Variants in RCAN2 observed in about 807,000 individuals in gnomAD.
RCAN2 encodes the protein regulator of calcineurin 2.
In RCAN2, 9 loss-of-function variants were observed where a neutral mutation model predicts 23.6. The ratio of observed to expected loss-of-function variants is 0.38; its 90% CI spans 0.23 to 0.67. The LOEUF (loss-of-function observed/expected upper bound fraction) is 0.67, where lower values mean the gene tolerates loss of function less well. Ranked by LOEUF, RCAN2 falls within the 30% of genes least tolerant of loss-of-function variation. The probability of loss-of-function intolerance (pLI) is 0.51; values close to 1 mark genes in which losing one functional copy is unlikely to be tolerated. For missense variants in RCAN2, 273 were observed against 302.3 expected, an observed-to-expected ratio of 0.90 and a Z score of 0.72; for synonymous variants, 109 against 115.7, an observed-to-expected ratio of 0.94 and a Z score of 0.37.
intron 2 of RCAN2, among the ~76,000 whole-genome samples, chr6:46,356,275 C>T (rs1394240999): frequency 1.3e-5 from 2 of 152,162 alleles, no homozygotes; most frequent in Non-Finnish European, 2.9e-5. Context: ...CGAATTCCTT[C>T]TCTGATATTC....
intron 2 of RCAN2, among the ~76,000 whole-genome samples, chr6:46,411,719 C>G (rs895259752): frequency 3.9e-5 from 6 of 152,110 alleles, no homozygotes; most frequent in African/African-American, 9.6e-5. Flanking sequence ...GTCAGTGAAG[C>G]TGAGATCTGA....
chr6:46,484,848 T>C (rs964840609), intron 1 of RCAN2, among the ~76,000 whole-genome samples: 2 of 152,158 alleles, frequency 1.3e-5, no homozygotes, highest in Admixed American at 6.6e-5. Flanking sequence ...GAACCAATTG[T>C]TAGGCATGAA....
chr6:46,226,193 G>A (rs1000780453), intron 4 of RCAN2, among the ~76,000 whole-genome samples: 1 of 152,172 alleles, frequency 6.6e-6, no homozygotes, highest in Non-Finnish European at 1.5e-5. Context: ...CTGTAGACTT[G>A]TAGTATAGTT....
At chr6:46,326,329 A>G (rs1329478356) in intron 2 of RCAN2, among the ~76,000 whole-genome samples, 4 of 152,194 alleles carry the variant, frequency 2.6e-5, no homozygotes, top group Admixed American at 1.3e-4. Context: ...TACAGCAAAT[A>G]TTTCACACGG....
intron 2 of RCAN2, among the ~76,000 whole-genome samples, chr6:46,453,665 A>T (rs1422571158): frequency 2.0e-5 from 3 of 152,214 alleles, no homozygotes; most frequent in Non-Finnish European, 2.9e-5. Flanking sequence ...CAATTCATAA[A>T]TTTCCTCAAA....
chr6:46,372,356 C>G (rs1401836357), intron 2 of RCAN2, among the ~76,000 whole-genome samples: 1 of 152,168 alleles, frequency 6.6e-6, no homozygotes, highest in Non-Finnish European at 1.5e-5. Context: ...GGTATTATTT[C>G]TCCAATTTAT....
intron 2 of RCAN2, among the ~76,000 whole-genome samples, chr6:46,341,581 G>A (rs1309264571): frequency 6.6e-6 from 1 of 152,094 alleles, no homozygotes; most frequent in Non-Finnish European, 1.5e-5. Flanking sequence ...GGTGGATCAT[G>A]AGTTCAGGAG....
intron 2 of RCAN2, among the ~76,000 whole-genome samples, chr6:46,372,203 A>G (rs900042595): frequency 6.6e-6 from 1 of 152,254 alleles, no homozygotes; most frequent in Non-Finnish European, 1.5e-5. Context: ...AGTACATGAC[A>G]GCAACAATCG....
At chr6:46,394,081 T>A (rs936168315) in intron 2 of RCAN2, among the ~76,000 whole-genome samples, 1 of 152,192 alleles carries the variant, frequency 6.6e-6, no homozygotes, top group Non-Finnish European at 1.5e-5. Flanking sequence ...CCATCAGCCC[T>A]CCACAGCTCA....
chr6:46,288,390 A>G (rs752862164), intron 2 of RCAN2, among the ~76,000 whole-genome samples: 1 of 152,216 alleles, frequency 6.6e-6, no homozygotes, highest in Non-Finnish European at 1.5e-5. Context: ...TGTGAATGGG[A>G]ATACTGGCTT....
In RCAN2 at chr6:46,294,675, G is replaced by A. The variant is rs140954639; in HGVS notation, c.226-45779C>T. On this transcript the variant is annotated intron_variant, in intron 2 of 4. Transcript: ENST00000371374. ...CTTATGTGTTGTGTGAAGAAATCAA[G>A]CAATAAAGTGATATATGGAGCATGA... Among the ~76,000 whole-genome samples the A allele has an allele frequency of 4.0e-3, 608 of 152,148 alleles. 6 individuals are homozygous for A. The highest frequency in any genetic ancestry group is 0.014 in the African/African-American group (576 of 41,534).
At chr6:46,223,334 G>A in intron 4 of RCAN2, 33 bp from the exon 5 acceptor site, 1 of 1,595,808 alleles carries the variant, frequency 6.3e-7, no homozygotes, top group Non-Finnish European at 8.6e-7. Flanking sequence ...GTGAGAAAGA[G>A]GGGGGGATTT....
In RCAN2 at chr6:46,298,114, A is replaced by C. The variant is rs973264154; in HGVS notation, c.226-49218T>G. On this transcript the variant is annotated intron_variant, in intron 2 of 4. Transcript: ENST00000371374. ...ACAAAGTCTATTCTATTGCTTAGTG[A>C]CAAAGTGCCTAACATTAATACTGTG... 2.6e-5 allele frequency among the ~76,000 whole-genome samples: 4 copies of C among 152,086 alleles called. 1 individual carries two copies. Among genetic ancestry groups the C allele is most frequent in the Non-Finnish European group, 5.9e-5 (4 of 67,998 alleles).
At chr6:46,280,617 AT>A (rs1398078382) in intron 2 of RCAN2, among the ~76,000 whole-genome samples, 1 of 152,208 alleles carries the variant, frequency 6.6e-6, no homozygotes, top group Admixed American at 6.5e-5. Flanking sequence ...ATAAAGCTGT[AT>A]TTTAAAGGGG....
intron 2 of RCAN2, among the ~76,000 whole-genome samples, chr6:46,429,820 AGAG>A (rs1474057219): frequency 6.6e-6 from 1 of 152,238 alleles, no homozygotes. Flanking sequence ...AGTGTATCCC[AGAG>A]GAACTAACGA....
chr6:46,268,573 A>G (rs762603942), intron 2 of RCAN2, among the ~76,000 whole-genome samples: 14 of 152,172 alleles, frequency 9.2e-5, no homozygotes, highest in Non-Finnish European at 1.6e-4. Context: ...CTCTCCTCCC[A>G]TGATAGTGAC....
intron 2 of RCAN2, among the ~76,000 whole-genome samples, chr6:46,257,715 A>G (rs553857061): frequency 2.9e-4 from 44 of 152,298 alleles, no homozygotes; most frequent in African/African-American, 9.9e-4. Flanking sequence ...TTACAATTCT[A>G]GATGAGATTT....
At chr6:46,259,490 T>C (rs1392023552) in intron 2 of RCAN2, among the ~76,000 whole-genome samples, 1 of 152,168 alleles carries the variant, frequency 6.6e-6, no homozygotes, top group African/African-American at 2.4e-5. Context: ...AGTGTTTCTA[T>C]CACTGTACTG....
chr6:46,472,607 A>G (rs1768592465), intron 1 of RCAN2, among the ~76,000 whole-genome samples: 1 of 152,096 alleles, frequency 6.6e-6, no homozygotes, highest in African/African-American at 2.4e-5. Flanking sequence ...GAAAGACACA[A>G]TTGCTGTACT....
Sources: gnomAD v4.1 joint callset for allele counts (sites outside exome capture counted in the v4.1 genomes callset) on GRCh38, gnomAD v4.1.1 for gene constraint, MANE v1.5 for transcripts, NCBI Gene and HGNC (gene_info 2026-07-23, HGNC 2026-07-21) for gene names.